Variants in BANP observed in about 807,000 individuals in gnomAD.
The protein encoded by BANP is protein BANP.
BANP carries 11 observed loss-of-function variants against 68.1 expected under a neutral mutation model. That is an observed-to-expected ratio of 0.16 (90% CI 0.10 to 0.27). The LOEUF is 0.27. BANP is among the 10% of genes least tolerant of loss of function. The probability of loss-of-function intolerance (pLI) is 1.00; values close to 1 mark genes in which losing one functional copy is unlikely to be tolerated. For synonymous variants in BANP, 329 were observed against 303.2 expected, an observed-to-expected ratio of 1.09 and a Z score of -0.88; for missense variants, 504 against 722.7, an observed-to-expected ratio of 0.70 and a Z score of 3.47.
chr16:88,025,095 G>A (rs1381817522), intron 7 of BANP, among the ~76,000 whole-genome samples: 1 of 152,150 alleles, frequency 6.6e-6, no homozygotes. Flanking sequence ...TTATCGACTC[G>A]TGCTCCAAAG....
rs1305756754 is a variant in BANP at position 88,006,246 on chromosome 16, C to T, written c.636C>T (p.Leu212=). 2 of 1,607,288 alleles carry T rather than the reference C, an allele frequency of 1.2e-6. No individual in the cohort carries two copies. The highest frequency in any genetic ancestry group is 2.2e-5 in the East Asian group (1 of 44,698). The change falls in exon 6 of 14, where the codon CTC becomes CTT. Residue 212 remains leucine, a synonymous_variant. Transcript: ENST00000682872. ...AGAGCATCGGGAGCAACGTCACGCTCATCACCCTGAACTCGGAAGGTGCGT... is the reference window on the plus strand; with the variant it reads ...AGAGCATCGGGAGCAACGTCACGCTTATCACCCTGAACTCGGAAGGTGCGT... The part of the protein sequence containing the change: ...GSQSIGSNVT[L]ITLNSEEDYP...
intron 11 of BANP, among the ~76,000 whole-genome samples, chr16:88,059,529 G>A (rs1432635682): frequency 6.6e-6 from 1 of 152,092 alleles, no homozygotes; most frequent in Admixed American, 6.5e-5. Context: ...TGCTTTTTAA[G>A]GGACACGGTT....
intron 12 of BANP, among the ~76,000 whole-genome samples, chr16:88,067,664 C>A (rs374584565): frequency 6.6e-6 from 1 of 152,096 alleles, no homozygotes; most frequent in Admixed American, 6.5e-5. Context: ...AGTGCCCAGC[C>A]CCCCCTGCAC....
At chr16:87,953,748 G>C (rs536361940) in intron 1 of BANP, among the ~76,000 whole-genome samples, 20 of 152,290 alleles carry the variant, frequency 1.3e-4, no homozygotes, top group African/African-American at 4.3e-4. Flanking sequence ...AATTCTCAAG[G>C]ATAGTGTCAG....
At chr16:87,964,543 A>G (rs55656417) in intron 1 of BANP, among the ~76,000 whole-genome samples, 39,901 of 152,088 alleles carry the variant, frequency 0.26, 5,895 homozygotes, top group East Asian at 0.49. Context: ...GGGCCGAGTG[A>G]GCGTGGCGGG....
intron 11 of BANP, among the ~76,000 whole-genome samples, chr16:88,055,960 T>C (rs1385855129): frequency 6.6e-6 from 1 of 152,012 alleles, no homozygotes; most frequent in African/African-American, 2.4e-5. Context: ...GTGAGTTTGG[T>C]GTTGACTAGT....
intron 4 of BANP, among the ~76,000 whole-genome samples, chr16:87,984,684 A>C (rs879114061): frequency 6.6e-6 from 1 of 152,256 alleles, no homozygotes; most frequent in Non-Finnish European, 1.5e-5. Context: ...ATTTTTAAAA[A>C]GTAGAGTCTA....
At chr16:88,066,041 G>A (rs914488099) in intron 12 of BANP, among the ~76,000 whole-genome samples, 13 of 152,188 alleles carry the variant, frequency 8.5e-5, no homozygotes, top group African/African-American at 3.1e-4. Context: ...GATAGCGTCC[G>A]AGCAGCCTCT....
intron 8 of BANP, among the ~76,000 whole-genome samples, chr16:88,028,734 C>A (rs1033095677): frequency 6.6e-6 from 1 of 152,146 alleles, no homozygotes; most frequent in Admixed American, 6.5e-5. Context: ...TATTGAAATG[C>A]GGCTGTAGGA....
intron 7 of BANP, among the ~76,000 whole-genome samples, chr16:88,026,107 T>C (rs931146722): frequency 6.6e-6 from 1 of 152,244 alleles, no homozygotes; most frequent in African/African-American, 2.4e-5. Flanking sequence ...AGGGCATCTC[T>C]GGATGCTGCT....
intron 8 of BANP, among the ~76,000 whole-genome samples, chr16:88,029,165 G>A (rs1270504373): frequency 6.6e-6 from 1 of 151,850 alleles, no homozygotes; most frequent in Non-Finnish European, 1.5e-5. Flanking sequence ...AAATTAGCCA[G>A]GTGTGGTGGC....
intron 4 of BANP, among the ~76,000 whole-genome samples, chr16:87,989,476 C>T (rs1393699015): frequency 6.6e-6 from 1 of 152,232 alleles, no homozygotes; most frequent in Non-Finnish European, 1.5e-5. Context: ...GTCTGTACTT[C>T]GAAGCTGGAC....
At chr16:87,955,852 A>T (rs1880326040) in intron 1 of BANP, among the ~76,000 whole-genome samples, 1 of 152,166 alleles carries the variant, frequency 6.6e-6, no homozygotes, top group South Asian at 2.1e-4. Context: ...TCATCATGAG[A>T]AAATGCTGCA....
In BANP at chr16:87,959,153, G is replaced by A. The variant is rs149267509; in HGVS notation, c.-69+7638G>A. 4.8e-3 allele frequency among the ~76,000 whole-genome samples: 733 copies of A among 152,366 alleles called. 6 individuals carry two copies. Among genetic ancestry groups the A allele is most frequent in the African/African-American group, 0.017 (698 of 41,596 alleles). On this transcript the variant is annotated intron_variant, in intron 1 of 13. Transcript: ENST00000682872. ...TCAGAGTGTAAGTGTTTCTGGCCTT[G>A]TGGGGCGTGGGATGTCTCGTGCCAC...
At chr16:87,987,493 A>G (rs2064740067) in intron 4 of BANP, among the ~76,000 whole-genome samples, 1 of 152,016 alleles carries the variant, frequency 6.6e-6, no homozygotes, top group Admixed American at 6.5e-5. Context: ...GAAGGCCAAG[A>G]TGGAAGGATC....
intron 5 of BANP, 116 bp from the exon 6 acceptor site, chr16:88,005,974 C>T (rs929280371): frequency 4.0e-6 from 5 of 1,236,058 alleles, no homozygotes; most frequent in Non-Finnish European, 4.7e-6. Context: ...TATGGGAAGG[C>T]TGTGTGATCC....
chr16:88,062,093 ACTT>A (rs981758820), intron 11 of BANP, among the ~76,000 whole-genome samples: 32 of 152,278 alleles, frequency 2.1e-4, no homozygotes, highest in African/African-American at 7.5e-4. Context: ...AAAACAAAGG[ACTT>A]CTTGGCTTTT....
chr16:88,076,501 G>A, intron 13 of BANP, 89 bp from the exon 14 acceptor site: 1 of 1,175,440 alleles, frequency 8.5e-7, no homozygotes, highest in Non-Finnish European at 1.2e-6. Context: ...TTCTCATTCT[G>A]CCTTAAAGTC....
intron 7 of BANP, among the ~76,000 whole-genome samples, chr16:88,025,953 A>T (rs1311454452): frequency 1.3e-5 from 2 of 152,198 alleles, no homozygotes; most frequent in East Asian, 3.8e-4. Context: ...AGCCCTTCCC[A>T]TCATGCCCAC....
Sources: gnomAD v4.1 joint callset for allele counts (sites outside exome capture counted in the v4.1 genomes callset) on GRCh38, gnomAD v4.1.1 for gene constraint, MANE v1.5 for transcripts, NCBI Gene and HGNC (gene_info 2026-07-23, HGNC 2026-07-21) for gene names.